The following NBEA variants were observed in gnomAD, a reference collection of about 807,000 sequenced individuals.
The protein encoded by NBEA is lysosomal-trafficking regulator 2.
A neutral mutation model predicts 343.4 loss-of-function variants in NBEA; 44 were observed. That is an observed-to-expected ratio of 0.13 (90% CI 0.10 to 0.16). The LOEUF (loss-of-function observed/expected upper bound fraction) is 0.16. NBEA is among the 10% of genes least tolerant of loss of function. The pLI, the probability that NBEA is intolerant of heterozygous loss-of-function variation, is 1.00. For missense variants in NBEA, 2,555 were observed against 3,631.3 expected (o/e 0.70, Z 7.62); for synonymous variants, 1,175 against 1,238.7 (o/e 0.95, Z 1.08).
At chr13:35,600,436 T>G (rs1380715496) in intron 47 of NBEA, among the ~76,000 whole-genome samples, 1 of 152,136 alleles carries the variant, frequency 6.6e-6, no homozygotes, top group Non-Finnish European at 1.5e-5. Context: ...ACATAGCTAT[T>G]CATTGAAACA....
At chr13:35,408,401 A>G (rs544256453) in intron 38 of NBEA, among the ~76,000 whole-genome samples, 4 of 152,330 alleles carry the variant, frequency 2.6e-5, no homozygotes, top group Admixed American at 1.3e-4. Context: ...CCAAAACTAT[A>G]AAAACCTTGG....
chr13:35,393,245 G>A lies in NBEA; in HGVS notation c.6180-39024G>A, dbSNP rs189098479. Among the ~76,000 whole-genome samples the A allele has an allele frequency of 2.3e-3, 346 of 152,104 alleles. 1 individual carries two copies. The highest frequency in any genetic ancestry group is 8.0e-3 in the African/African-American group (332 of 41,508). On this transcript the variant is annotated intron_variant, in intron 38 of 58. Coordinates refer to ENST00000379939, the MANE Select transcript of NBEA (RefSeq NM_001385012.1). ...AAGCTGCCTCTCAAAACACATTTTA[G>A]CACATTAAAAAAATGATTTTTTAAA...
At chr13:35,139,114 G>T (rs1468124789) in intron 17 of NBEA, among the ~76,000 whole-genome samples, 1 of 127,872 alleles carries the variant, frequency 7.8e-6, no homozygotes, top group Admixed American at 9.3e-5. Flanking sequence ...AGGCTGGAGT[G>T]CAGTGATGCA....
chr13:35,650,034 G>C (rs2084440088), intron 52 of NBEA, among the ~76,000 whole-genome samples, 187 bp downstream of exon 52: 2 of 152,180 alleles, frequency 1.3e-5, no homozygotes, highest in Admixed American at 6.5e-5. Context: ...CTGTATGTTA[G>C]TGCCTCATAG....
chr13:35,545,382 A>G (rs2079018807), intron 41 of NBEA, among the ~76,000 whole-genome samples: 2 of 151,610 alleles, frequency 1.3e-5, no homozygotes, highest in African/African-American at 2.4e-5. Flanking sequence ...CTCAAATCTC[A>G]CTCTGCCACC....
At chr13:35,005,851 T>C (rs145251315) in intron 1 of NBEA, among the ~76,000 whole-genome samples, 1 of 152,314 alleles carries the variant, frequency 6.6e-6, no homozygotes, top group East Asian at 1.9e-4. Flanking sequence ...TATGCATAAT[T>C]ATTTTAGGCT....
At chr13:35,300,732 A>G (rs1174068978) in intron 35 of NBEA, among the ~76,000 whole-genome samples, 1 of 152,230 alleles carries the variant, frequency 6.6e-6, no homozygotes, top group Non-Finnish European at 1.5e-5. Flanking sequence ...AATTCTTGTC[A>G]TAGGTATTGC....
intron 33 of NBEA, among the ~76,000 whole-genome samples, chr13:35,232,194 C>T (rs2075012430): frequency 6.6e-6 from 1 of 152,108 alleles, no homozygotes; most frequent in Non-Finnish European, 1.5e-5. Flanking sequence ...ATAGAGAAGG[C>T]ATACAAAAAC....
intron 1 of NBEA, among the ~76,000 whole-genome samples, chr13:34,980,319 T>TG (rs765989891): frequency 1.6e-4 from 24 of 152,050 alleles, no homozygotes; most frequent in Non-Finnish European, 2.9e-4. Flanking sequence ...TACATGCTAC[T>TG]GTCTTCAAAT....
At chr13:35,116,434 G>A (rs1436242330) in intron 13 of NBEA, among the ~76,000 whole-genome samples, 1 of 152,112 alleles carries the variant, frequency 6.6e-6, no homozygotes, top group Non-Finnish European at 1.5e-5. Flanking sequence ...AATACCAAGT[G>A]TCAATAGGAG....
chr13:35,084,606 A>G (rs2064628480), intron 10 of NBEA, among the ~76,000 whole-genome samples: 1 of 152,216 alleles, frequency 6.6e-6, no homozygotes, highest in Non-Finnish European at 1.5e-5. Flanking sequence ...AATTTATAGC[A>G]CTAAATGCCC....
At chr13:35,446,194 A>T (rs1039176715) in intron 39 of NBEA, among the ~76,000 whole-genome samples, 1 of 151,904 alleles carries the variant, frequency 6.6e-6, no homozygotes, top group African/African-American at 2.4e-5. Context: ...TATGTGCCAC[A>T]TTTTCTTAAT....
At chr13:35,623,206 G>A (rs1030907261) in intron 48 of NBEA, among the ~76,000 whole-genome samples, 1 of 152,058 alleles carries the variant, frequency 6.6e-6, no homozygotes, top group Non-Finnish European at 1.5e-5. Flanking sequence ...TGTAAGTATT[G>A]TACTAAAAAT....
chr13:35,446,391 C>T (rs1594668338), intron 39 of NBEA, among the ~76,000 whole-genome samples: 1 of 152,174 alleles, frequency 6.6e-6, no homozygotes, highest in African/African-American at 2.4e-5. Flanking sequence ...GGAATTGCCT[C>T]ACTGTCTTCC....
chr13:34,974,868 C>G (rs1725083457), intron 1 of NBEA, among the ~76,000 whole-genome samples: 1 of 152,058 alleles, frequency 6.6e-6, no homozygotes, highest in Admixed American at 6.5e-5. Flanking sequence ...CTTGCTGGTT[C>G]AATTGAAATG....
intron 1 of NBEA, among the ~76,000 whole-genome samples, chr13:35,032,495 G>T (rs1018557607): frequency 5.3e-5 from 8 of 151,374 alleles, no homozygotes; most frequent in Non-Finnish European, 7.4e-5. Flanking sequence ...TTTTAGTGGG[G>T]TTTTTTTTCT....
rs1345443951 is a variant in NBEA, at chr13:35,452,193, G to A, written c.6406G>A (p.Ala2136Thr). 5 of 1,602,244 alleles carry A rather than the reference G, an allele frequency of 3.1e-6. No individual in the cohort carries two copies. The highest frequency in any genetic ancestry group is 1.7e-5 in the Admixed American group (1 of 58,376). Residue 2136 changes from alanine (A) to threonine (T), a missense_variant, in exon 40 of 59, where the codon GCA (alanine) becomes ACA (threonine). Physicochemically the swap from Ala to Thr is moderately conservative, Grantham distance 58. Transcript: ENST00000379939. ...ACTTATGCTGGAAGGAGACGATGAT[G>A]CAGTCAGTCTGCTACAGGAGAAAGA... ...TELMLEGDDD[A>T]VSLLQEKEID...
intron 1 of NBEA, among the ~76,000 whole-genome samples, chr13:35,040,521 C>A (rs1355649263): frequency 6.6e-6 from 1 of 151,592 alleles, no homozygotes; most frequent in East Asian, 1.9e-4. Flanking sequence ...CCAGTTATAT[C>A]TCTTTGTCTG....
chr13:35,562,885 C>G (rs750026337), intron 44 of NBEA, among the ~76,000 whole-genome samples: 3 of 152,088 alleles, frequency 2.0e-5, no homozygotes, highest in Non-Finnish European at 4.4e-5. Context: ...ATTTCTTTGT[C>G]AGCTGTCTCT....
Sources: gnomAD v4.1 joint callset for allele counts (sites outside exome capture counted in the v4.1 genomes callset) on GRCh38, gnomAD v4.1.1 for gene constraint, MANE v1.5 for transcripts, NCBI Gene and HGNC (gene_info 2026-07-23, HGNC 2026-07-21) for gene names.